The following AUTS2 variants were observed in gnomAD, a reference collection of about 807,000 sequenced individuals.
AUTS2 encodes the protein autism susceptibility gene 2 protein.
AUTS2 carries 17 observed loss-of-function variants against 112.4 expected under a neutral mutation model. That is an observed-to-expected ratio of 0.15 (90% CI 0.10 to 0.23). The LOEUF is 0.23. Ranked by LOEUF, AUTS2 falls within the 10% of genes least tolerant of loss-of-function variation. AUTS2 has a pLI of 1.00. For synonymous variants in AUTS2, 751 were observed against 702.7 expected (o/e 1.07, Z -1.09); for missense variants, 1,510 against 1,701.6 (o/e 0.89, Z 1.98).
At chr7:69,611,432 A>G (rs1583936149) in intron 1 of AUTS2, among the ~76,000 whole-genome samples, 1 of 152,224 alleles carries the variant, frequency 6.6e-6, no homozygotes. Flanking sequence ...TTGTTTTAAA[A>G]TGTTTTATTA....
intron 5 of AUTS2, among the ~76,000 whole-genome samples, chr7:70,592,814 C>G (rs1479548837): frequency 6.6e-6 from 1 of 152,132 alleles, no homozygotes; most frequent in Admixed American, 6.5e-5. Flanking sequence ...AATATAACAT[C>G]CTAAAAGTGA....
intron 5 of AUTS2, among the ~76,000 whole-genome samples, chr7:70,509,745 C>T (rs566765268): frequency 1.7e-4 from 26 of 152,264 alleles, no homozygotes; most frequent in African/African-American, 6.3e-4. Context: ...CCATTTTACT[C>T]TCATCAAGGA....
intron 5 of AUTS2, among the ~76,000 whole-genome samples, chr7:70,689,775 CAAAAAAA>C (rs60869776): frequency 1.3e-5 from 1 of 74,704 alleles, no homozygotes; most frequent in African/African-American, 5.0e-5. Context: ...GACTCCGTCT[CAAAAAAA>C]AAAAAAAAAA....
At chr7:70,533,755 G>A (rs1800193221) in intron 5 of AUTS2, among the ~76,000 whole-genome samples, 1 of 152,212 alleles carries the variant, frequency 6.6e-6, no homozygotes, top group Admixed American at 6.5e-5. Flanking sequence ...TGCTCTCCTA[G>A]CTTAGGCTGG....
rs1001747687 is a variant in AUTS2 at position 69,599,854 on chromosome 7, G to T, written c.201G>T (p.Pro67=). Residue 67 remains proline (P), a synonymous_variant, in exon 1 of 19, where the codon CCG becomes CCT. Coordinates refer to ENST00000342771, the MANE Select transcript of AUTS2 (RefSeq NM_015570.4). The surrounding 1 kb of genome is among the most constrained non-coding windows in gnomAD (Gnocchi z 7.0). The part of the protein sequence containing the change: ...EDNGKPPSSA[P]SRPRPPRRKR... ...ATGGGAAGCCCCCGTCCTCCGCCCC[G>T]TCCCGGCCCAGACCCCCGCGGAGGA... is the stretch of plus-strand genomic sequence containing the variant. 4.3e-6 allele frequency: 7 copies of T among 1,610,986 alleles called. No homozygotes were observed. Among genetic ancestry groups the T allele is most frequent in the Non-Finnish European group, 5.9e-6 (7 of 1,178,654 alleles).
intron 5 of AUTS2, among the ~76,000 whole-genome samples, chr7:70,696,646 C>T (rs1809123097): frequency 6.6e-6 from 1 of 151,814 alleles, no homozygotes; most frequent in South Asian, 2.1e-4. Context: ...AAGGCCTGTT[C>T]ACCCACAGCT....
chr7:69,925,884 G>A (rs1189519212), intron 2 of AUTS2, among the ~76,000 whole-genome samples: 1 of 152,186 alleles, frequency 6.6e-6, no homozygotes, highest in East Asian at 1.9e-4. Flanking sequence ...ACTGGGTATG[G>A]TGGTGCGCCT....
At chr7:70,018,102 A>G (rs1432864608) in intron 2 of AUTS2, among the ~76,000 whole-genome samples, 1 of 152,132 alleles carries the variant, frequency 6.6e-6, no homozygotes, top group African/African-American at 2.4e-5. Flanking sequence ...CCTGCCATAG[A>G]AATGCAAATT....
At chr7:70,729,527 T>G (rs1395269375) in intron 6 of AUTS2, among the ~76,000 whole-genome samples, 1 of 152,202 alleles carries the variant, frequency 6.6e-6, no homozygotes. Context: ...ATCTTGCCAG[T>G]AAGTGGTGAG....
intron 5 of AUTS2, among the ~76,000 whole-genome samples, chr7:70,446,318 G>A (rs73175948): frequency 0.13 from 19,497 of 152,178 alleles, 1,291 homozygotes; most frequent in Middle Eastern, 0.17. Flanking sequence ...AGTGTTTATC[G>A]GCCGGAGTGC....
chr7:70,050,765 C>T (rs568920685), intron 2 of AUTS2, among the ~76,000 whole-genome samples: 45 of 152,230 alleles, frequency 3.0e-4, no homozygotes, highest in Middle Eastern at 3.4e-3. Flanking sequence ...GAGGCCAAGA[C>T]GAATGGATCA....
At chr7:70,650,154 G>A (rs1436301594) in intron 5 of AUTS2, among the ~76,000 whole-genome samples, 3 of 152,190 alleles carry the variant, frequency 2.0e-5, no homozygotes, top group Non-Finnish European at 4.4e-5. Flanking sequence ...GGAAGGAAAG[G>A]TGTTCTTCCT....
intron 5 of AUTS2, among the ~76,000 whole-genome samples, chr7:70,492,314 G>A (rs145143741): frequency 8.6e-4 from 123 of 142,848 alleles, no homozygotes; most frequent in Non-Finnish European, 1.3e-3. Flanking sequence ...CACCACTCCC[G>A]TCAGGTCCTG....
chr7:69,978,824 C>T (rs1408188786), intron 2 of AUTS2, among the ~76,000 whole-genome samples: 4 of 149,890 alleles, frequency 2.7e-5, no homozygotes, highest in African/African-American at 4.9e-5. Flanking sequence ...CCAGCCTGGA[C>T]GGACAGGGCA....
intron 4 of AUTS2, among the ~76,000 whole-genome samples, chr7:70,412,876 A>G (rs1195797562): frequency 6.6e-6 from 1 of 152,188 alleles, no homozygotes; most frequent in Non-Finnish European, 1.5e-5. Flanking sequence ...CTGTAATCCC[A>G]GCTATTCGGG....
intron 2 of AUTS2, among the ~76,000 whole-genome samples, chr7:70,086,622 C>T (rs1346239781): frequency 7.6e-6 from 1 of 131,278 alleles, no homozygotes; most frequent in Non-Finnish European, 1.5e-5. Context: ...GCCTGGGCAG[C>T]TGAGTGAGAC....
intron 3 of AUTS2, among the ~76,000 whole-genome samples, chr7:70,130,169 A>T (rs1010370063): frequency 4.6e-5 from 7 of 152,198 alleles, no homozygotes; most frequent in African/African-American, 1.4e-4. Context: ...GGAAGAATTT[A>T]AAAATATTCA....
At chr7:70,384,045 G>A (rs1399817246) in intron 4 of AUTS2, among the ~76,000 whole-genome samples, 1 of 152,232 alleles carries the variant, frequency 6.6e-6, no homozygotes, top group African/African-American at 2.4e-5. Flanking sequence ...AAGAAAGAAA[G>A]AAAGAAAAAC....
chr7:69,617,508 G>A (rs534438679), intron 1 of AUTS2, among the ~76,000 whole-genome samples: 2 of 152,164 alleles, frequency 1.3e-5, no homozygotes, highest in Non-Finnish European at 2.9e-5. Context: ...GGAGATGTTG[G>A]CGGCTGGAAC....
Sources: gnomAD v4.1 joint callset for allele counts (sites outside exome capture counted in the v4.1 genomes callset) on GRCh38, gnomAD v4.1.1 for gene constraint, Gnocchi (gnomAD v3.1) non-coding constraint, MANE v1.5 for transcripts, NCBI Gene and HGNC (gene_info 2026-07-23, HGNC 2026-07-21) for gene names.